The following JAKMIP3 variants were observed in gnomAD, a reference collection of about 807,000 sequenced individuals.
JAKMIP3 encodes the protein janus kinase and microtubule-interacting protein 3.
JAKMIP3 carries 58 observed loss-of-function variants against 118.5 expected under a neutral mutation model. That is an observed-to-expected ratio of 0.49 (90% CI 0.40 to 0.61). The LOEUF (loss-of-function observed/expected upper bound fraction) is 0.61. Among genes scored for constraint, JAKMIP3 ranks in the 20% least tolerant of loss-of-function variants. The pLI is 0.00. For missense variants in JAKMIP3, 950 were observed against 1,109.0 expected (o/e 0.86, Z 2.04); for synonymous variants, 486 against 451.2 (o/e 1.08, Z -0.98).
intron 23 of JAKMIP3, among the ~76,000 whole-genome samples, chr10:132,171,490 A>G (rs1303925724): frequency 1.3e-5 from 2 of 152,158 alleles, no homozygotes; most frequent in African/African-American, 4.8e-5. Flanking sequence ...GCGAGACGTT[A>G]CTGTGCTGTC....
intron 1 of JAKMIP3, among the ~76,000 whole-genome samples, chr10:132,046,200 A>G (rs2037909716): frequency 6.6e-6 from 1 of 152,164 alleles, no homozygotes; most frequent in South Asian, 2.1e-4. Context: ...CATGCCTGTA[A>G]TCCCAGCACT....
chr10:132,065,362 A>G (rs1411799549), upstream of JAKMIP3, among the ~76,000 whole-genome samples: 5 of 152,060 alleles, frequency 3.3e-5, no homozygotes, highest in Non-Finnish European at 2.9e-5. This position sits in a 1 kb window ranked among gnomAD's most constrained non-coding sequence, Gnocchi z 5.6. Context: ...CTGCATTTTC[A>G]GTCCTCAGTG....
intron 1 of JAKMIP3, among the ~76,000 whole-genome samples, chr10:132,067,978 G>A (rs1459825459): frequency 6.7e-6 from 1 of 148,748 alleles, no homozygotes; most frequent in Admixed American, 6.7e-5. Flanking sequence ...TGGACTGTGA[G>A]CTTCCGTGTG....
At chr10:132,058,599 G>T (rs2038309548) in intron 1 of JAKMIP3, among the ~76,000 whole-genome samples, 1 of 152,216 alleles carries the variant, frequency 6.6e-6, no homozygotes, top group South Asian at 2.1e-4. Context: ...TTTGCCGTGG[G>T]CAGCTGGTGA....
At chr10:132,082,185 AT>A (rs1485112253) in intron 1 of JAKMIP3, among the ~76,000 whole-genome samples, 11 of 141,620 alleles carry the variant, frequency 7.8e-5, no homozygotes, top group Admixed American at 2.1e-4. Flanking sequence ...GGGGGGCTGA[AT>A]TTTTTTTTGC....
intron 19 of JAKMIP3, among the ~76,000 whole-genome samples, chr10:132,156,196 G>A (rs1016224124): frequency 6.6e-6 from 1 of 152,250 alleles, no homozygotes; most frequent in Admixed American, 6.5e-5. Context: ...CAGGCTCCAG[G>A]CCCCCGCCTC....
Position 132,166,988 on chromosome 10 carries a change from A to G in JAKMIP3, c.2496A>G (p.Leu832=), listed in dbSNP as rs2058975255. The change falls in exon 22 of 24, where the codon CTA becomes CTG. Residue 832 remains leucine (L), a synonymous_variant. Transcript: ENST00000684848. ...TCCTCCCCTTTCCGTTTCAGTTTCTATTTTTGTTCTTATTTTTCTCCTTAG... is the reference window on the plus strand; with the variant it reads ...TCCTCCCCTTTCCGTTTCAGTTTCTGTTTTTGTTCTTATTTTTCTCCTTAG... The part of the protein sequence containing the change: ...RQIKELEEKF[L]FLFLFFSLAF... The G allele has an allele frequency of 1.3e-6, 2 of 1,543,298 alleles. No individual in the cohort carries two copies. The highest frequency in any genetic ancestry group is 1.8e-6 in the Non-Finnish European group (2 of 1,140,714).
chr10:132,151,983 G>A (rs9419382), intron 16 of JAKMIP3, among the ~76,000 whole-genome samples: 13,900 of 152,268 alleles, frequency 0.091, 1,409 homozygotes, highest in East Asian at 0.5. Context: ...CATCTGGGTA[G>A]ATTCCCTCAG....
At chr10:132,089,835 G>T (rs574806827) in intron 1 of JAKMIP3, among the ~76,000 whole-genome samples, 2 of 152,288 alleles carry the variant, frequency 1.3e-5, no homozygotes, top group East Asian at 3.9e-4. Context: ...GTATGATATT[G>T]TCTGTGGGTT....
At chr10:132,043,846 C>T (rs2037831579) in intron 1 of JAKMIP3, among the ~76,000 whole-genome samples, 1 of 152,190 alleles carries the variant, frequency 6.6e-6, no homozygotes, top group South Asian at 2.1e-4. Flanking sequence ...TTTTCCTTAA[C>T]ATTTGAATTA....
In JAKMIP3 at chr10:132,149,474, C is replaced by A; in HGVS notation, c.1911C>A (p.Ser637Arg). 1 of 1,603,936 alleles carries A rather than the reference C, an allele frequency of 6.2e-7. No homozygotes were observed. Among genetic ancestry groups the A allele is most frequent in the South Asian group, 1.1e-5 (1 of 89,366 alleles). ...FHHTPFVDGK[S>R]PLQVYCEAEG... ...ACACGCCCTTCGTGGACGGGAAGAG[C>A]CCCCTCCAGGTGTACTGCGAGGCCG... The change falls in exon 15 of 24, where the codon AGC (serine) becomes AGA (arginine). Residue 637 changes from serine to arginine, a missense_variant. Coordinates refer to ENST00000684848, the MANE Select transcript of JAKMIP3 (RefSeq NM_001323087.2).
At chr10:132,158,073 G>GC (rs1221373158) in intron 19 of JAKMIP3, among the ~76,000 whole-genome samples, 68 of 93,004 alleles carry the variant, frequency 7.3e-4, no homozygotes, top group African/African-American at 3.2e-3. Context: ...GCTGCCCACC[G>GC]CCCCCCCGCC....
At chr10:132,156,185 G>A (rs1486961374) in intron 19 of JAKMIP3, among the ~76,000 whole-genome samples, 1 of 152,186 alleles carries the variant, frequency 6.6e-6, no homozygotes. Context: ...GACAGGTCCT[G>A]CAGGCTCCAG....
chr10:132,079,828 G>A (rs2041486911), intron 1 of JAKMIP3, among the ~76,000 whole-genome samples: 1 of 152,164 alleles, frequency 6.6e-6, no homozygotes, highest in Non-Finnish European at 1.5e-5. Flanking sequence ...TCCGTGTTGC[G>A]GCACGTATCA....
intron 9 of JAKMIP3, among the ~76,000 whole-genome samples, chr10:132,139,584 T>G (rs2053037859): frequency 7.5e-6 from 1 of 133,256 alleles, no homozygotes; most frequent in Admixed American, 8.1e-5. Context: ...TGCTCCTCGG[T>G]CACAAACACT....
At chr10:132,153,880 C>T (rs1175057297) in intron 18 of JAKMIP3, 33 bp from the exon 19 acceptor site, 1 of 1,612,478 alleles carries the variant, frequency 6.2e-7, no homozygotes, top group South Asian at 1.1e-5. Context: ...GGTGGGACAT[C>T]CGAGACCGAG....
chr10:132,051,102 A>C (rs2038089401), intron 1 of JAKMIP3, among the ~76,000 whole-genome samples: 1 of 124,234 alleles, frequency 8.0e-6, no homozygotes, highest in Non-Finnish European at 1.6e-5. Flanking sequence ...TGGTCTTGTT[A>C]ATTCCAGCCG....
At chr10:132,046,576 G>A (rs112238310) in intron 1 of JAKMIP3, among the ~76,000 whole-genome samples, 4 of 152,188 alleles carry the variant, frequency 2.6e-5, no homozygotes, top group Admixed American at 2.0e-4. Context: ...TCACCGCCTC[G>A]TGCTGTTCAG....
chr10:132,116,476 G>A (rs1212335781), intron 2 of JAKMIP3, among the ~76,000 whole-genome samples: 4 of 141,718 alleles, frequency 2.8e-5, no homozygotes, highest in East Asian at 2.2e-4. Context: ...TGTGTGCAAC[G>A]TGGAAGCTCC....
Sources: gnomAD v4.1 joint callset for allele counts (sites outside exome capture counted in the v4.1 genomes callset) on GRCh38, gnomAD v4.1.1 for gene constraint, Gnocchi (gnomAD v3.1) non-coding constraint, MANE v1.5 for transcripts, NCBI Gene and HGNC (gene_info 2026-07-23, HGNC 2026-07-21) for gene names.